GSG1L2: variants seen among roughly 807,000 people sequenced by gnomAD.
The protein encoded by GSG1L2 is GSG1 like 2.
A neutral mutation model predicts 9.0 loss-of-function variants in GSG1L2; 15 were observed. The ratio of observed to expected loss-of-function variants is 1.67; its 90% confidence interval spans 1.12 to 2.57. The LOEUF (loss-of-function observed/expected upper bound fraction) is 2.57. Among genes scored for constraint, GSG1L2 ranks in the 30% most tolerant of loss-of-function variants. The pLI is 0.00. For missense variants in GSG1L2, 286 were observed against 150.3 expected (o/e 1.90, Z -4.72); for synonymous variants, 127 against 57.9 (o/e 2.19, Z -5.41).
intron 1 of GSG1L2, among the ~76,000 whole-genome samples, chr17:9,814,755 G>T (rs1251324587): frequency 2.6e-5 from 4 of 152,156 alleles, no homozygotes; most frequent in Non-Finnish European, 5.9e-5. Flanking sequence ...CCAGCCCGAG[G>T]AAGTGGCGTC....
chr17:9,821,413 G>GAA (rs10665166), intron 1 of GSG1L2, among the ~76,000 whole-genome samples: 42,878 of 152,028 alleles, frequency 0.28, 10,946 homozygotes, highest in African/African-American at 0.68. Context: ...GAACAAACGA[G>GAA]AAACTAATTT....
Position 9,805,198 on chromosome 17 carries a change from A to G in GSG1L2, c.623+2292T>C, listed in dbSNP as rs534181516. ...AAAAAACTGACGAAAGGAAATAATC[A>G]AAGAAATAATACAAATACAAAAATC... On this transcript the variant is annotated intron_variant, in intron 4 of 4. Coordinates refer to ENST00000399363, the MANE Select transcript of GSG1L2 (RefSeq NM_001310219.2). The G allele has an allele frequency of 3.3e-5, 5 of 152,342 alleles. No individual in the cohort carries two copies. The East Asian group carries it at 9.6e-4, about 29-fold the overall frequency. The allele number at this position is 152,342 out of a possible 1,614,324, so 9.4% of individuals were successfully genotyped here. A position where few individuals can be genotyped will look rare whatever the true frequency, so the allele number is the denominator to read the frequency against.
intron 1 of GSG1L2, among the ~76,000 whole-genome samples, chr17:9,819,450 G>A (rs948363824): frequency 1.3e-5 from 2 of 152,188 alleles, no homozygotes; most frequent in African/African-American, 4.8e-5. Context: ...TGTAACCATA[G>A]TTTTTGAAAA....
At position 9,821,936 on chromosome 17, in the gene GSG1L2, G is replaced by A; in HGVS notation, c.136C>T (p.Gln46Ter). The change falls in exon 1 of 5, where the codon CAG becomes TAG. Residue 46 changes from glutamine to a stop codon, truncating the protein, a stop_gained. Coordinates refer to ENST00000399363, the MANE Select transcript of GSG1L2 (RefSeq NM_001310219.2). LOFTEE classifies it high-confidence loss of function. ...RRVVKPLCQD[Q>*]PGGQHCIHFK... ...TGAATGCAGTGCTGCCCTCCCGGCT[G>A]GTCCTGGCACAGTGGCTTCACCACC... The A allele has an allele frequency of 1.4e-6, 1 of 703,180 alleles. No homozygotes were observed. The highest frequency in any genetic ancestry group is 2.6e-6 in the Non-Finnish European group (1 of 385,026). 43.6% of individuals were successfully genotyped at this position (703,180 alleles called of 1,614,324 possible).
chr17:9,802,716 G>T (rs2066501925), intron 4 of GSG1L2, 72 bp from the exon 5 acceptor site: 1 of 665,568 alleles, frequency 1.5e-6, no homozygotes, highest in Non-Finnish European at 2.7e-6. Flanking sequence ...TCTCCAGACT[G>T]GGGGTCAATC....
chr17:9,816,368 G>GTGTC (rs80272446), intron 1 of GSG1L2, among the ~76,000 whole-genome samples: 78,698 of 150,790 alleles, frequency 0.52, 21,600 homozygotes, highest in East Asian at 0.99. Context: ...GTATGCGTGT[G>GTGTC]TCTGTGTGTG....
rs569870970 is a variant in GSG1L2, at chr17:9,813,333, G to C, written c.311-2715C>G. Among the ~76,000 whole-genome samples the C allele has an allele frequency of 2.2e-4, 33 of 152,280 alleles. No individual in the cohort carries two copies. The South Asian group carries it at 6.8e-3, about 32-fold the overall frequency. ...CCATTTCCTGGAGCTTCTCCACTGG[G>C]ATGTTTTCTGACTCGAATGCGCAGC... On this transcript the variant is annotated intron_variant, in intron 1 of 4. Coordinates refer to ENST00000399363, the MANE Select transcript of GSG1L2 (RefSeq NM_001310219.2).
rs1471732811 is a variant in GSG1L2 at position 9,821,851 on chromosome 17, T to C, written c.221A>G (p.Tyr74Cys). The C allele has an allele frequency of 3.8e-5, 27 of 703,298 alleles. No homozygotes were observed. Among genetic ancestry groups the C allele is most frequent in the Non-Finnish European group, 7.0e-5 (27 of 385,098 alleles). The allele number at this position is 703,298 out of a possible 1,614,324, so 43.6% of individuals were successfully genotyped here. A position where few individuals can be genotyped will look rare whatever the true frequency, so the allele number is the denominator to read the frequency against. The change falls in exon 1 of 5, where the codon TAC becomes TGC. Residue 74 changes from tyrosine to cysteine, a missense_variant. By Grantham distance (194) the Tyr-to-Cys change is radical. Transcript: ENST00000399363. ...RMDNNSQAVL[Y>C]IWELGDDKFI... ...CTTGTCATCACCCAGCTCCCAAATG[T>C]ACAGGACAGCCTGGCTATTGTTGTC...
At chr17:9,819,736 G>A (rs1236618834) in intron 1 of GSG1L2, among the ~76,000 whole-genome samples, 1 of 151,978 alleles carries the variant, frequency 6.6e-6, no homozygotes, top group Non-Finnish European at 1.5e-5. Context: ...GGGATCAGGC[G>A]ATTCTCCTGC....
chr17:9,817,639 G>A (rs558228126), intron 1 of GSG1L2, among the ~76,000 whole-genome samples: 2 of 151,968 alleles, frequency 1.3e-5, no homozygotes, highest in South Asian at 2.1e-4. Flanking sequence ...TGGCCAGGCC[G>A]GTCTTGAACT....
intron 1 of GSG1L2, among the ~76,000 whole-genome samples, chr17:9,818,097 A>G (rs943611768): frequency 1.3e-5 from 2 of 152,158 alleles, no homozygotes; most frequent in African/African-American, 4.8e-5. Flanking sequence ...TTGCATTGCT[A>G]TAAAGGAATA....
At chr17:9,816,604 GTGTGTGTC>G (rs201149181) in intron 1 of GSG1L2, among the ~76,000 whole-genome samples, 70,128 of 140,124 alleles carry the variant, frequency 0.5, 18,165 homozygotes, top group East Asian at 0.98. Context: ...CTGTGTGTCT[GTGTGTGTC>G]TGTGTGTCTG....
At position 9,821,862 on chromosome 17, in the gene GSG1L2, C is replaced by G. The variant is rs1479248168; in HGVS notation, c.210G>C (p.Gln70His). ...CCAGCTCCCAAATGTACAGGACAGC[C>G]TGGCTATTGTTGTCCATCCTGCCAT... ...SSNGRMDNNSQAVLYIWELGD... is the reference protein window; with the variant it reads ...SSNGRMDNNSHAVLYIWELGD... Residue 70 changes from glutamine (Q) to histidine (H), a missense_variant, in exon 1 of 5, where the codon CAG becomes CAC. Transcript: ENST00000399363. The G allele has an allele frequency of 1.4e-6, 1 of 703,204 alleles. No homozygotes were observed. Among genetic ancestry groups the G allele is most frequent in the East Asian group, 2.7e-5 (1 of 37,308 alleles). The allele number at this position is 703,204 out of a possible 1,614,324, so 43.6% of individuals were successfully genotyped here. A position where few individuals can be genotyped will look rare whatever the true frequency, so the allele number is the denominator to read the frequency against.
Position 9,801,217 on chromosome 17 carries a change from CT to C in GSG1L2, c.*1168del, listed in dbSNP as rs1225228871. ...GTCCCTTTCTTTTCTTTTTCTTTTT[CT>C]TTTTTTTGAGACAGGGTCTCACTCT... On this transcript the variant is annotated 3_prime_UTR_variant, in exon 5 of 5. Coordinates refer to ENST00000399363, the MANE Select transcript of GSG1L2 (RefSeq NM_001310219.2). Among the ~76,000 whole-genome samples, 1 of 151,206 alleles carries C rather than the reference CT, an allele frequency of 6.6e-6. No individual in the cohort carries two copies. The highest frequency in any genetic ancestry group is 1.5e-5 in the Non-Finnish European group (1 of 67,796).
intron 1 of GSG1L2, among the ~76,000 whole-genome samples, chr17:9,818,436 C>A (rs375817312): frequency 1.3e-5 from 2 of 150,122 alleles, no homozygotes; most frequent in East Asian, 2.0e-4. Flanking sequence ...TGGGTTCTAG[C>A]GATTCTCCTG....
chr17:9,813,544 G>A (rs1448999463), intron 1 of GSG1L2, among the ~76,000 whole-genome samples: 1 of 152,188 alleles, frequency 6.6e-6, no homozygotes, highest in Non-Finnish European at 1.5e-5. Flanking sequence ...GATGTCAGCA[G>A]CAGTATCACG....
At chr17:9,816,120 C>A (rs1320007966) in intron 1 of GSG1L2, among the ~76,000 whole-genome samples, 3 of 152,174 alleles carry the variant, frequency 2.0e-5, no homozygotes, top group African/African-American at 4.8e-5. Context: ...GATTTCCCAG[C>A]CTCCGTAATG....
Position 9,821,966 on chromosome 17 carries a change from G to T in GSG1L2, c.106C>A (p.Arg36=). Residue 36 remains arginine, a synonymous_variant, in exon 1 of 5, where the codon CGA becomes AGA. Transcript: ENST00000399363. ...TGGCACAGTGGCTTCACCACCCGTC[G>T]GGTCCCCTCACACCAGTGGCTGCTG... ...VVSSHWCEGT[R]RVVKPLCQDQ... 1.4e-6 allele frequency: 1 copy of T among 703,080 alleles called. No homozygotes were observed. The highest frequency in any genetic ancestry group is 2.7e-5 in the East Asian group (1 of 37,288). 43.6% of individuals were successfully genotyped at this position (703,080 alleles called of 1,614,324 possible).
Position 9,800,803 on chromosome 17 carries a change from A to G in GSG1L2, c.*1583T>C, listed in dbSNP as rs1159618371. 6.6e-6 allele frequency among the ~76,000 whole-genome samples: 1 copy of G among 152,204 alleles called. No individual in the cohort carries two copies. The highest frequency in any genetic ancestry group is 2.1e-4 in the South Asian group (1 of 4,832). On this transcript the variant is annotated 3_prime_UTR_variant, in exon 5 of 5. Coordinates refer to ENST00000399363, the MANE Select transcript of GSG1L2 (RefSeq NM_001310219.2). ...TAGGGATGAAAAACCATATGAAAGA[A>G]CCTGCACACTGCAAAGGGCAGAGGC...
Sources: allele counts gnomAD v4.1 joint callset (sites outside exome capture counted in the v4.1 genomes callset), GRCh38; gene constraint gnomAD v4.1.1; transcripts MANE v1.5; gene names NCBI Gene and HGNC (gene_info 2026-07-23, HGNC 2026-07-21).